The following VTI1A variants were observed in gnomAD, a reference collection of about 807,000 sequenced individuals.
VTI1A encodes vesicle transport through interaction with t-SNAREs homolog 1A.
Under a neutral mutation model 34.9 loss-of-function variants are expected in VTI1A, and 22 were observed. That is an observed-to-expected ratio of 0.63 (90% CI 0.45 to 0.90). The LOEUF is 0.90. Among genes scored for constraint, VTI1A ranks in the 40% least tolerant of loss-of-function variants. VTI1A has a pLI of 0.00. For missense variants in VTI1A, 268 were observed against 275.6 expected, an observed-to-expected ratio of 0.97 and a Z score of 0.20; for synonymous variants, 87 against 97.3, an observed-to-expected ratio of 0.89 and a Z score of 0.62.
intron 3 of VTI1A, among the ~76,000 whole-genome samples, chr10:112,526,264 TAG>T (rs575596567): frequency 7.3e-4 from 111 of 152,306 alleles, no homozygotes; most frequent in African/African-American, 2.5e-3. Context: ...TCTGACTTTA[TAG>T]AGAGGGGTAT....
intron 1 of VTI1A, among the ~76,000 whole-genome samples, chr10:112,453,168 T>C (rs140676105): frequency 1.3e-5 from 2 of 152,294 alleles, no homozygotes; most frequent in East Asian, 3.9e-4. Context: ...TTCTCATGAT[T>C]AGATTGGAGT....
intron 3 of VTI1A, among the ~76,000 whole-genome samples, chr10:112,508,768 G>C (rs1258931735): frequency 6.6e-6 from 1 of 152,170 alleles, no homozygotes; most frequent in Non-Finnish European, 1.5e-5. Context: ...GTTTTTTACT[G>C]TCTGAATTCT....
At chr10:112,811,397 C>T (rs1853288736) in intron 7 of VTI1A, among the ~76,000 whole-genome samples, 1 of 152,122 alleles carries the variant, frequency 6.6e-6, no homozygotes, top group South Asian at 2.1e-4. Flanking sequence ...CCAAGCCTAA[C>T]ATTAAGGTGA....
intron 7 of VTI1A, among the ~76,000 whole-genome samples, chr10:112,796,403 C>CAA (rs34102399): frequency 0.044 from 1,633 of 37,500 alleles, 25 homozygotes; most frequent in Middle Eastern, 0.25. Flanking sequence ...AAGACTCCGT[C>CAA]AAAAAAAAAA....
intron 7 of VTI1A, among the ~76,000 whole-genome samples, chr10:112,705,544 G>A (rs775193654): frequency 1.3e-5 from 2 of 152,084 alleles, no homozygotes; most frequent in Non-Finnish European, 2.9e-5. Flanking sequence ...TTTCTGGGAA[G>A]TGCACCCATC....
At chr10:112,744,116 C>A (rs1027891817) in intron 7 of VTI1A, among the ~76,000 whole-genome samples, 3 of 152,138 alleles carry the variant, frequency 2.0e-5, no homozygotes, top group African/African-American at 7.2e-5. Context: ...TTTCTACTTA[C>A]GGAAATGTCA....
intron 3 of VTI1A, among the ~76,000 whole-genome samples, chr10:112,511,099 T>A (rs1253455739): frequency 6.6e-6 from 1 of 152,212 alleles, no homozygotes; most frequent in Non-Finnish European, 1.5e-5. Context: ...GCTTTGTATT[T>A]GAAAATAATC....
At chr10:112,477,345 T>C (rs1269768465) in intron 3 of VTI1A, among the ~76,000 whole-genome samples, 2 of 152,234 alleles carry the variant, frequency 1.3e-5, no homozygotes, top group Non-Finnish European at 2.9e-5. Flanking sequence ...GCGATCATAT[T>C]GGGAAACCTC....
At chr10:112,800,343 G>A (rs1218699961) in intron 7 of VTI1A, among the ~76,000 whole-genome samples, 1 of 152,190 alleles carries the variant, frequency 6.6e-6, no homozygotes. Flanking sequence ...GTGCCCTGTT[G>A]AGCCCTGGGC....
At chr10:112,664,863 C>T (rs1169133329) in intron 5 of VTI1A, among the ~76,000 whole-genome samples, 1 of 152,180 alleles carries the variant, frequency 6.6e-6, no homozygotes, top group Non-Finnish European at 1.5e-5. Flanking sequence ...GTTTATCATG[C>T]TCATACTGAC....
rs777036411 is a variant in VTI1A, at chr10:112,678,676, A to G, written c.560+9678A>G. Among the ~76,000 whole-genome samples, 7 of 152,190 alleles carry G rather than the reference A, an allele frequency of 4.6e-5. No individual in the cohort carries two copies. In the East Asian group the frequency reaches 1.2e-3, roughly 25 times the overall value. The stretch of plus-strand genomic sequence containing the variant: ...TGTAAACTAGCGTATTCACACATCA[A>G]TTTTAAAAGGCTGGCTGTGTTATAA... On this transcript the variant is annotated intron_variant, in intron 7 of 7. Coordinates refer to ENST00000393077, the MANE Select transcript of VTI1A (RefSeq NM_145206.4).
chr10:112,572,930 T>C (rs1047650213), intron 5 of VTI1A, among the ~76,000 whole-genome samples: 1 of 152,130 alleles, frequency 6.6e-6, no homozygotes, highest in Admixed American at 6.5e-5. Flanking sequence ...TTCTCACTAA[T>C]TAATCAAATA....
chr10:112,819,523 G>A (rs12357931), downstream of VTI1A, among the ~76,000 whole-genome samples: 2,078 of 152,234 alleles, frequency 0.014, 54 homozygotes, highest in African/African-American at 0.047. Flanking sequence ...TGGTTGGCTG[G>A]TTTGGGGAGG....
intron 5 of VTI1A, among the ~76,000 whole-genome samples, chr10:112,651,221 A>G (rs552519187): frequency 1.5e-3 from 221 of 152,356 alleles, no homozygotes; most frequent in Middle Eastern, 6.8e-3. Context: ...TGGTTTTTAC[A>G]TGATATTTTA....
rs201541817 is a variant in VTI1A, at chr10:112,635,097, G to A, written c.428-33121G>A. 7.9e-5 allele frequency among the ~76,000 whole-genome samples: 12 copies of A among 152,236 alleles called. 1 individual carries two copies. The East Asian group carries it at 2.3e-3, about 29-fold the overall frequency. ...CTGTAACTGCAAAGTTCAGAAAGCT[G>A]GGGCTGGAGGTGCCTTTATTCATAA... On this transcript the variant is annotated intron_variant, in intron 5 of 7. Transcript: ENST00000393077.
intron 5 of VTI1A, among the ~76,000 whole-genome samples, chr10:112,540,732 C>T (rs1472477426): frequency 2.0e-5 from 3 of 152,142 alleles, no homozygotes; most frequent in Non-Finnish European, 4.4e-5. Context: ...ATCCATAGCT[C>T]TGTGTTTTGA....
intron 7 of VTI1A, among the ~76,000 whole-genome samples, chr10:112,694,969 CTAAATAAA>C (rs565452984): frequency 1.3e-5 from 2 of 151,856 alleles, no homozygotes; most frequent in African/African-American, 2.4e-5. Flanking sequence ...ACTCTGTCTC[CTAAATAAA>C]TAAATAAATA....
At chr10:112,762,875 T>C (rs1804608352) in intron 7 of VTI1A, among the ~76,000 whole-genome samples, 1 of 152,146 alleles carries the variant, frequency 6.6e-6, no homozygotes, top group Admixed American at 6.5e-5. Context: ...TTGTAATGGA[T>C]CAAGACATTT....
chr10:112,564,444 TAAAA>T (rs11352489), intron 5 of VTI1A, among the ~76,000 whole-genome samples: 1 of 143,784 alleles, frequency 7.0e-6, no homozygotes, highest in Admixed American at 7.0e-5. Context: ...AGTACTTCTT[TAAAA>T]AAAAAAAAAC....
Sources: gnomAD v4.1 joint callset for allele counts (sites outside exome capture counted in the v4.1 genomes callset) on GRCh38, gnomAD v4.1.1 for gene constraint, MANE v1.5 for transcripts, NCBI Gene and HGNC (gene_info 2026-07-23, HGNC 2026-07-21) for gene names.